LOC128462377: variants seen among roughly 807,000 people sequenced by gnomAD.
At chr16:89,364,831 C>T in the LOC128462377 span, among the ~76,000 whole-genome samples, 508 of 152,326 alleles carry the variant, frequency 3.3e-3, 4 homozygotes, top group African/African-American at 0.012. Flanking sequence ...TTGCTCAGCA[C>T]CACGGCCAAC....
chr16:89,417,857 T>C, the LOC128462377 span, among the ~76,000 whole-genome samples: 1 of 151,430 alleles, frequency 6.6e-6, no homozygotes, highest in Non-Finnish European at 1.5e-5. Context: ...ACCAGGATCC[T>C]AACGAGCAGA....
chr16:89,323,145 G>A, the LOC128462377 span: 9 of 367,648 alleles, frequency 2.4e-5, no homozygotes, highest in African/African-American at 4.4e-5. Context: ...GGAGAAGCAC[G>A]GTCTCCAGCG....
the LOC128462377 span, among the ~76,000 whole-genome samples, chr16:89,372,401 C>T: frequency 1.3e-5 from 2 of 152,132 alleles, no homozygotes; most frequent in South Asian, 2.1e-4. Context: ...CCTCACAGCA[C>T]GGACGGGGTC....
chr16:89,393,314 A>T, the LOC128462377 span, among the ~76,000 whole-genome samples: 3,792 of 139,266 alleles, frequency 0.027, 145 homozygotes, highest in African/African-American at 0.084. Context: ...TTTTATTTTT[A>T]TTTTTTTTTT....
chr16:89,366,277 C>A, the LOC128462377 span, among the ~76,000 whole-genome samples: 1 of 151,992 alleles, frequency 6.6e-6, no homozygotes, highest in African/African-American at 2.4e-5. Flanking sequence ...GTGAATGGTG[C>A]TGCAATGGAC....
chr16:89,362,517 G>A, the LOC128462377 span, among the ~76,000 whole-genome samples: 1 of 152,250 alleles, frequency 6.6e-6, no homozygotes, highest in Non-Finnish European at 1.5e-5. Context: ...CAGCACCAGA[G>A]ATACTGGGCG....
the LOC128462377 span, among the ~76,000 whole-genome samples, chr16:89,413,657 C>T: frequency 6.6e-6 from 1 of 152,122 alleles, no homozygotes; most frequent in South Asian, 2.1e-4. Context: ...GAAGTGAACT[C>T]ACAGTGGCAC....
the LOC128462377 span, among the ~76,000 whole-genome samples, chr16:89,407,863 A>C: frequency 2.0e-5 from 3 of 150,986 alleles, no homozygotes; most frequent in Non-Finnish European, 4.4e-5. Flanking sequence ...AAAAAAAAAA[A>C]AAAAAAAAAA....
the LOC128462377 span, among the ~76,000 whole-genome samples, chr16:89,375,594 C>G: frequency 6.6e-6 from 1 of 151,960 alleles, no homozygotes; most frequent in African/African-American, 2.4e-5. Context: ...CGAGTGATTA[C>G]AGGCGCCCGC....
At chr16:89,406,436 C>G in the LOC128462377 span, among the ~76,000 whole-genome samples, 1 of 152,222 alleles carries the variant, frequency 6.6e-6, no homozygotes, top group Non-Finnish European at 1.5e-5. Flanking sequence ...AGAGGAGAAG[C>G]AGCAGCTGCT....
At chr16:89,343,703 A>C in the LOC128462377 span, 1 of 152,254 alleles carries the variant, frequency 6.6e-6, no homozygotes, top group Non-Finnish European at 1.5e-5. Context: ...CACGACTAAC[A>C]GGTTTATTAC....
At chr16:89,393,509 G>A in the LOC128462377 span, among the ~76,000 whole-genome samples, 2 of 67,296 alleles carry the variant, frequency 3.0e-5, no homozygotes, top group African/African-American at 1.1e-4. Context: ...TTTTTTTTTT[G>A]TATTTTTAAT....
At chr16:89,399,748 C>A in the LOC128462377 span, among the ~76,000 whole-genome samples, 8 of 152,104 alleles carry the variant, frequency 5.3e-5, no homozygotes, top group African/African-American at 1.4e-4. Flanking sequence ...GCGGGGGAAC[C>A]CTCTGTAATT....
the LOC128462377 span, among the ~76,000 whole-genome samples, chr16:89,415,447 G>A: frequency 1.9e-4 from 28 of 149,728 alleles, 2 homozygotes; most frequent in African/African-American, 6.2e-4. Context: ...TGTATTTTTA[G>A]TAGAGACGGG....
At chr16:89,409,570 T>C in the LOC128462377 span, among the ~76,000 whole-genome samples, 2 of 152,170 alleles carry the variant, frequency 1.3e-5, no homozygotes, top group Non-Finnish European at 2.9e-5. Context: ...TCACACAGCG[T>C]TGGGAGGCAG....
At chr16:89,381,373 A>G in the LOC128462377 span, among the ~76,000 whole-genome samples, 1 of 151,014 alleles carries the variant, frequency 6.6e-6, no homozygotes. Flanking sequence ...AAGGGCAAGC[A>G]AGAGTTCAGA....
the LOC128462377 span, among the ~76,000 whole-genome samples, chr16:89,329,348 C>T: frequency 3.3e-5 from 5 of 152,228 alleles, no homozygotes; most frequent in East Asian, 7.7e-4. Flanking sequence ...ACAAGGGATG[C>T]TGCTATTTTT....
At chr16:89,382,297 C>G in the LOC128462377 span, among the ~76,000 whole-genome samples, 6 of 151,728 alleles carry the variant, frequency 4.0e-5, no homozygotes, top group African/African-American at 1.2e-4. Context: ...TTAAACTAGA[C>G]AGCCAGGCAC....
chr16:89,376,703 T>C, the LOC128462377 span, among the ~76,000 whole-genome samples: 1 of 152,338 alleles, frequency 6.6e-6, no homozygotes, highest in African/African-American at 2.4e-5. Context: ...CCTCCCTAAG[T>C]GCTGGGATTA....
Sources: allele counts gnomAD v4.1 joint callset (sites outside exome capture counted in the v4.1 genomes callset), GRCh38; gene constraint gnomAD v4.1.1; transcripts MANE v1.5.